ST6GAL1: variants seen among roughly 807,000 people sequenced by gnomAD.
The protein encoded by ST6GAL1 is ST6 beta-galactoside alpha-2,6-sialyltransferase 1.
Under a neutral mutation model 38.0 loss-of-function variants are expected in ST6GAL1, and 20 were observed. The observed-to-expected ratio is 0.53, with a 90% CI of 0.37 to 0.77. ST6GAL1 has a LOEUF of 0.77. Among genes scored for constraint, ST6GAL1 ranks in the 30% least tolerant of loss-of-function variants. ST6GAL1 has a pLI of 0.00. For synonymous variants in ST6GAL1, 196 were observed against 188.2 expected (o/e 1.04, Z -0.34); for missense variants, 432 against 496.4 (o/e 0.87, Z 1.23).
At chr3:186,970,463 T>G (rs1715312272) in intron 2 of ST6GAL1, among the ~76,000 whole-genome samples, 1 of 151,768 alleles carries the variant, frequency 6.6e-6, no homozygotes, top group Non-Finnish European at 1.5e-5. Flanking sequence ...GATCTCATGC[T>G]CCGCCTGCCT....
At chr3:187,019,382 A>G (rs1213601067) in intron 2 of ST6GAL1, among the ~76,000 whole-genome samples, 1 of 152,256 alleles carries the variant, frequency 6.6e-6, no homozygotes. Context: ...CTGCTAGAGC[A>G]AATAAACTCA....
intron 2 of ST6GAL1, among the ~76,000 whole-genome samples, chr3:186,978,416 A>G (rs1715587107): frequency 6.6e-6 from 1 of 151,662 alleles, no homozygotes; most frequent in East Asian, 1.9e-4. Context: ...GTTGGTTCCC[A>G]CTCCTCTCTC....
intron 2 of ST6GAL1, among the ~76,000 whole-genome samples, chr3:187,022,492 A>G (rs1050015736): frequency 3.9e-5 from 6 of 152,146 alleles, no homozygotes. Flanking sequence ...GGAATGCCTG[A>G]GTAAGATAAG....
chr3:187,033,993 C>T (rs1717841351), intron 2 of ST6GAL1, among the ~76,000 whole-genome samples: 1 of 152,060 alleles, frequency 6.6e-6, no homozygotes, highest in South Asian at 2.1e-4. Flanking sequence ...AAAGGATAAA[C>T]AAGTTTGGTA....
chr3:187,000,994 T>C (rs1291944273), intron 2 of ST6GAL1, among the ~76,000 whole-genome samples: 2 of 152,112 alleles, frequency 1.3e-5, no homozygotes, highest in African/African-American at 2.4e-5. Context: ...CTGACCAGAG[T>C]GTCAGGTGAG....
intron 2 of ST6GAL1, among the ~76,000 whole-genome samples, chr3:186,997,724 T>C (rs1007436617): frequency 6.6e-6 from 1 of 150,654 alleles, no homozygotes; most frequent in Non-Finnish European, 1.5e-5. Context: ...ATCATTGCGC[T>C]CCAGCCTAGG....
intron 4 of ST6GAL1, among the ~76,000 whole-genome samples, chr3:187,044,161 G>A (rs1579353275): frequency 6.6e-6 from 1 of 152,204 alleles, no homozygotes; most frequent in South Asian, 2.1e-4. Context: ...GAAACCCTTT[G>A]TAGTGAATCA....
intron 2 of ST6GAL1, among the ~76,000 whole-genome samples, chr3:187,010,049 T>C (rs1444459229): frequency 1.3e-5 from 2 of 152,112 alleles, no homozygotes; most frequent in African/African-American, 4.8e-5. Flanking sequence ...TTTCATAACA[T>C]ATTTAACTTG....
chr3:186,995,998 G>A (rs1017349066), intron 2 of ST6GAL1, among the ~76,000 whole-genome samples: 1 of 152,102 alleles, frequency 6.6e-6, no homozygotes, highest in African/African-American at 2.4e-5. Flanking sequence ...CCATATTATC[G>A]GTGCGTGTTT....
intron 5 of ST6GAL1, among the ~76,000 whole-genome samples, chr3:187,051,760 T>C (rs546286982): frequency 3.6e-4 from 55 of 152,208 alleles, no homozygotes; most frequent in African/African-American, 1.2e-3. Flanking sequence ...TATAAGACAG[T>C]GTCACCATGT....
At chr3:187,058,231 C>T (rs1381733457) in intron 5 of ST6GAL1, among the ~76,000 whole-genome samples, 2 of 152,138 alleles carry the variant, frequency 1.3e-5, no homozygotes, top group South Asian at 2.1e-4. Flanking sequence ...AAGGGAAGTC[C>T]CCTGACCCCT....
chr3:187,074,214 T>G lies in ST6GAL1; in HGVS notation c.860T>G (p.Leu287Arg). The change falls in exon 7 of 8, where the codon CTG becomes CGG. Residue 287 changes from leucine (L) to arginine (R), a missense_variant. Physicochemically the swap from Leu to Arg is moderately radical, Grantham distance 102. Transcript: ENST00000169298. ...AACAACTACAAGACTTATCGTAAGCTGCACCCCAATCAGCCCTTTTACATC... is the reference window on the plus strand; with the variant it reads ...AACAACTACAAGACTTATCGTAAGCGGCACCCCAATCAGCCCTTTTACATC... ...FFNNYKTYRK[L>R]HPNQPFYILK... The G allele has an allele frequency of 6.2e-7, 1 of 1,613,010 alleles. No homozygotes were observed. The highest frequency in any genetic ancestry group is 8.5e-7 in the Non-Finnish European group (1 of 1,179,574).
intron 3 of ST6GAL1, among the ~76,000 whole-genome samples, chr3:187,039,702 G>A (rs1190354141): frequency 6.6e-6 from 1 of 152,210 alleles, no homozygotes; most frequent in East Asian, 1.9e-4. Flanking sequence ...CCTCGGTTGC[G>A]CCATTTAGAG....
intron 2 of ST6GAL1, among the ~76,000 whole-genome samples, chr3:186,996,392 G>A (rs530908012): frequency 6.6e-6 from 1 of 152,342 alleles, no homozygotes; most frequent in East Asian, 1.9e-4. Flanking sequence ...ATAGCTTTGT[G>A]CTTTTCATGC....
rs1719518495 is a variant in ST6GAL1 at position 187,075,180 on chromosome 3, A to G, written c.980-382A>G. On this transcript the variant is annotated intron_variant, in intron 7 of 7. Coordinates refer to ENST00000169298, the MANE Select transcript of ST6GAL1 (RefSeq NM_173216.2). The surrounding 1 kb of genome is among the most constrained non-coding windows in gnomAD (Gnocchi z 4.1). Reference sequence around the variant, plus strand: ...GATGTCACAGTGCTAGAAAGTGCTAACTACACATGATGCCACTGTCTCCTC... The same window carrying G: ...GATGTCACAGTGCTAGAAAGTGCTAGCTACACATGATGCCACTGTCTCCTC... Among the ~76,000 whole-genome samples, 1 of 152,232 alleles carries G rather than the reference A, an allele frequency of 6.6e-6. No homozygotes were observed. The highest frequency in any genetic ancestry group is 1.5e-5 in the Non-Finnish European group (1 of 68,028).
intron 5 of ST6GAL1, among the ~76,000 whole-genome samples, chr3:187,062,574 T>TCACACACA (rs57175575): frequency 0.096 from 13,789 of 143,798 alleles, 836 homozygotes; most frequent in East Asian, 0.17. Context: ...AATAAGCCAG[T>TCACACACA]CACACACACA....
intron 1 of ST6GAL1, among the ~76,000 whole-genome samples, chr3:186,960,672 A>T (rs1714903674): frequency 6.6e-6 from 1 of 152,142 alleles, no homozygotes; most frequent in South Asian, 2.1e-4. Flanking sequence ...AGAAAAAAAA[A>T]ACTTTAGAAT....
chr3:186,965,675 G>T (rs1715085708), intron 2 of ST6GAL1, among the ~76,000 whole-genome samples: 1 of 152,320 alleles, frequency 6.6e-6, no homozygotes, highest in Non-Finnish European at 1.5e-5. Flanking sequence ...CAGGTGGAGG[G>T]GTGGAGGATG....
Position 187,047,688 on chromosome 3 carries a change from T to C in ST6GAL1, c.608-3561T>C, listed in dbSNP as rs189176409. 3.9e-5 allele frequency among the ~76,000 whole-genome samples: 6 copies of C among 152,300 alleles called. No individual in the cohort carries two copies. The East Asian group carries it at 1.2e-3, about 29-fold the overall frequency. On this transcript the variant is annotated intron_variant, in intron 4 of 7. Transcript: ENST00000169298. ...TTGTGGATTTCTCTTGGTGATTTCT[T>C]AGAGGCCTATTTGAGTTTGAAAGTT...
Sources: gnomAD v4.1 joint callset for allele counts (sites outside exome capture counted in the v4.1 genomes callset) on GRCh38, gnomAD v4.1.1 for gene constraint, Gnocchi (gnomAD v3.1) non-coding constraint, MANE v1.5 for transcripts, NCBI Gene and HGNC (gene_info 2026-07-23, HGNC 2026-07-21) for gene names.